The following F8 variants were observed in gnomAD, a reference collection of about 807,000 sequenced individuals.
F8 encodes coagulation factor VIII.
Under a neutral mutation model 140.6 loss-of-function variants are expected in F8, and 12 were observed. The observed-to-expected ratio is 0.09, with a 90% CI of 0.05 to 0.14. The LOEUF (loss-of-function observed/expected upper bound fraction) is 0.14, where lower values mean the gene tolerates loss of function less well. Among genes scored for constraint, F8 ranks in the 10% least tolerant of loss-of-function variants. F8 has a pLI of 1.00. For synonymous variants in F8, 585 were observed against 614.6 expected, an observed-to-expected ratio of 0.95 and a Z score of 0.71; for missense variants, 1,354 against 1,720.7, an observed-to-expected ratio of 0.79 and a Z score of 3.77.
chrX:155,007,742 G>T (rs999601769), intron 1 of F8, among the ~76,000 whole-genome samples: 3 of 112,229 alleles, frequency 2.7e-5, no homozygotes, highest in African/African-American at 9.7e-5. Flanking sequence ...AACTAATGCC[G>T]CATGATCTGA....
At chrX:154,938,787 C>T (rs1276955986) in intron 13 of F8, among the ~76,000 whole-genome samples, 1 of 109,183 alleles carries the variant, frequency 9.2e-6, no homozygotes, top group Non-Finnish European at 1.9e-5. Context: ...CCAACACACA[C>T]TGAAGGAAGT....
chrX:154,838,068 C>T (rs2072489133), intron 25 of F8, among the ~76,000 whole-genome samples: 1 of 112,561 alleles, frequency 8.9e-6, no homozygotes, highest in Non-Finnish European at 1.9e-5. Flanking sequence ...AGGCTTTGGC[C>T]AGCAGACTCC....
chrX:154,968,874 C>T (rs2073439166), intron 7 of F8, among the ~76,000 whole-genome samples: 1 of 110,043 alleles, frequency 9.1e-6, no homozygotes, highest in African/African-American at 3.3e-5. Flanking sequence ...CTGGGCATTA[C>T]TAATGATATA....
intron 4 of F8, among the ~76,000 whole-genome samples, chrX:154,989,552 T>C (rs782327289): frequency 8.9e-6 from 1 of 112,160 alleles, no homozygotes; most frequent in Admixed American, 9.5e-5. Context: ...ATTATTATTT[T>C]AGCTATTCTA....
chrX:154,938,025 A>G (rs988392887), intron 13 of F8, among the ~76,000 whole-genome samples: 2 of 112,326 alleles, frequency 1.8e-5, no homozygotes, highest in East Asian at 5.5e-4. Context: ...GTACAAAGAT[A>G]GACCAATAAG....
chrX:154,913,768 C>T (rs1412150191), intron 14 of F8, among the ~76,000 whole-genome samples: 4 of 112,863 alleles, frequency 3.5e-5, no homozygotes, highest in South Asian at 3.6e-4. Flanking sequence ...GCTCCACCCC[C>T]ATAGCTTTGC....
At chrX:155,003,235 A>C (rs2073657180) in intron 1 of F8, among the ~76,000 whole-genome samples, 1 of 111,820 alleles carries the variant, frequency 8.9e-6, no homozygotes, top group African/African-American at 3.3e-5. Context: ...GTATATCATA[A>C]GGAAAAATAT....
chrX:154,881,502 T>C (rs1392971107), intron 22 of F8, among the ~76,000 whole-genome samples: 4 of 110,401 alleles, frequency 3.6e-5, no homozygotes, highest in South Asian at 7.3e-4. Context: ...TATGACCAAA[T>C]AGGATTTATC....
At chrX:154,981,112 C>T (rs183787858) in intron 6 of F8, among the ~76,000 whole-genome samples, 57 of 111,446 alleles carry the variant, frequency 5.1e-4, no homozygotes, top group African/African-American at 1.7e-3. Context: ...GAGAGTTTTC[C>T]GGTGTAAAAA....
At chrX:154,998,119 C>T (rs2073627186) in intron 2 of F8, among the ~76,000 whole-genome samples, 1 of 112,119 alleles carries the variant, frequency 8.9e-6, no homozygotes, top group African/African-American at 3.2e-5. Context: ...TTGGTTGATC[C>T]CAAATCTTTT....
At chrX:154,935,023 C>A (rs781788520) in intron 13 of F8, among the ~76,000 whole-genome samples, 6 of 109,480 alleles carry the variant, frequency 5.5e-5, no homozygotes, top group Non-Finnish European at 7.6e-5. Context: ...GTTAGCCTGG[C>A]ATGATGGTGC....
chrX:154,896,504 C>T (rs1376007895), intron 21 of F8, among the ~76,000 whole-genome samples: 5 of 77,211 alleles, frequency 6.5e-5, no homozygotes, highest in Non-Finnish European at 9.2e-5. Flanking sequence ...GCCCCCATTT[C>T]GTACACACAC....
chrX:155,008,738 T>C (rs1321706071), intron 1 of F8, among the ~76,000 whole-genome samples: 1 of 109,584 alleles, frequency 9.1e-6, no homozygotes, highest in Non-Finnish European at 1.9e-5. Context: ...TACCAGGGCA[T>C]GCCCCGCCCA....
Position 154,957,096 on chromosome X carries a change from T to A in F8, c.1613A>T (p.Asp538Val). ...CCGAGGATCTGATTTAGTTGGCCCATCTTCTACAGTCACTGTCCATTTATA... is the reference window on the plus strand; with the variant it reads ...CCGAGGATCTGATTTAGTTGGCCCAACTTCTACAGTCACTGTCCATTTATA... ...FKYKWTVTVE[D>V]GPTKSDPRCL... Residue 538 changes from aspartate to valine, a missense_variant, in exon 11 of 26, where the codon GAT becomes GTT. Asp to Val is a radical substitution (Grantham distance 152, BLOSUM62 -3). This residue lies in a region of F8 where 252 missense variants were observed against 338.5 expected (regional missense o/e 0.74). Coordinates refer to ENST00000360256, the MANE Select transcript of F8 (RefSeq NM_000132.4). The A allele has an allele frequency of 8.3e-7, 1 of 1,211,111 alleles. No individual in the cohort carries two copies. Among genetic ancestry groups the A allele is most frequent in the East Asian group, 3.0e-5 (1 of 33,837 alleles).
At chrX:154,841,304 A>G (rs782468923) in intron 25 of F8, among the ~76,000 whole-genome samples, 2 of 94,972 alleles carry the variant, frequency 2.1e-5, no homozygotes, top group South Asian at 9.5e-4. Flanking sequence ...ATATAAACTT[A>G]TAGTACTTTT....
chrX:155,008,513 G>T (rs941763303), intron 1 of F8, among the ~76,000 whole-genome samples: 3 of 111,973 alleles, frequency 2.7e-5, no homozygotes, highest in African/African-American at 9.8e-5. Flanking sequence ...GGGCAGGAGC[G>T]TGCAGCTGAG....
intron 1 of F8, among the ~76,000 whole-genome samples, chrX:155,009,435 T>C (rs1557286373): frequency 1.8e-5 from 2 of 111,642 alleles, no homozygotes. Context: ...GTGCTTTCAC[T>C]TTAAATGTTT....
At chrX:154,888,404 T>TTTC (rs2072914713) in intron 22 of F8, among the ~76,000 whole-genome samples, 1 of 85,793 alleles carries the variant, frequency 1.2e-5, no homozygotes, top group East Asian at 3.4e-4. Context: ...TTTTTTTTTT[T>TTTC]TTCCCCCCGA....
intron 9 of F8, 35 bp from the exon 10 acceptor site, chrX:154,961,203 A>AGTCGTTTTAGGATTTG: frequency 1.0e-6 from 1 of 956,962 alleles, no homozygotes; most frequent in Non-Finnish European, 1.5e-6. Flanking sequence ...ATCAAATCCT[A>AGTCGTTTTAGGATTTG]AAACGACTAG....
Sources: allele counts gnomAD v4.1 joint callset (sites outside exome capture counted in the v4.1 genomes callset), GRCh38; gene constraint gnomAD v4.1.1; regional missense constraint gnomAD v4.1.1; transcripts MANE v1.5; gene names NCBI Gene and HGNC (gene_info 2026-07-23, HGNC 2026-07-21).